Variants in FNDC3B observed in about 807,000 individuals in gnomAD.
FNDC3B encodes fibronectin type III domain containing 3B.
A neutral mutation model predicts 151.5 loss-of-function variants in FNDC3B; 12 were observed. The ratio of observed to expected loss-of-function variants is 0.08; its 90% CI spans 0.05 to 0.13. The LOEUF is 0.13. Among genes scored for constraint, FNDC3B ranks in the 10% least tolerant of loss-of-function variants. FNDC3B has a pLI of 1.00. For synonymous variants in FNDC3B, 528 were observed against 549.0 expected, an observed-to-expected ratio of 0.96 and a Z score of 0.54; for missense variants, 1,214 against 1,505.3, an observed-to-expected ratio of 0.81 and a Z score of 3.20.
chr3:172,273,060 A>T (rs779842530), intron 6 of FNDC3B, among the ~76,000 whole-genome samples: 1 of 152,200 alleles, frequency 6.6e-6, no homozygotes, highest in Non-Finnish European at 1.5e-5. Context: ...GTTGGAGATG[A>T]TGAGCCTTAA....
chr3:172,097,617 A>C (rs1331028667), intron 1 of FNDC3B, among the ~76,000 whole-genome samples: 1 of 152,218 alleles, frequency 6.6e-6, no homozygotes, highest in East Asian at 1.9e-4. Context: ...CTTATTCGTT[A>C]TTCTATTATC....
intron 3 of FNDC3B, among the ~76,000 whole-genome samples, chr3:172,220,935 AAT>A (rs1309381292): frequency 1.3e-5 from 2 of 152,154 alleles, no homozygotes; most frequent in African/African-American, 4.8e-5. Context: ...ATTAAAAAAA[AAT>A]AAATAAATCT....
At chr3:172,148,063 C>G (rs765398742) in intron 3 of FNDC3B, among the ~76,000 whole-genome samples, 1 of 151,996 alleles carries the variant, frequency 6.6e-6, no homozygotes, top group Non-Finnish European at 1.5e-5. Flanking sequence ...TGTAGTCTTT[C>G]AGTTTCCATC....
rs57967290 is a variant in FNDC3B at position 172,328,491 on chromosome 3, G to A, written c.1255-461G>A. Among the ~76,000 whole-genome samples, 153 of 152,294 alleles carry A rather than the reference G, an allele frequency of 1.0e-3. 5 individuals are homozygous for A. The East Asian group carries it at 0.027, about 27-fold the overall frequency. ...GTATGGCACACTCAGCTGCAGAGACGGGTCTGTAGGTGCTCAGGAGTTACT... is the reference window on the plus strand; with the variant it reads ...GTATGGCACACTCAGCTGCAGAGACAGGTCTGTAGGTGCTCAGGAGTTACT... On this transcript the variant is annotated intron_variant, in intron 11 of 25. Transcript: ENST00000415807.
intron 4 of FNDC3B, among the ~76,000 whole-genome samples, chr3:172,245,128 CA>C (rs141682271): frequency 6.6e-6 from 1 of 151,676 alleles, no homozygotes; most frequent in East Asian, 1.9e-4. Context: ...AAAGCTACTT[CA>C]AAAAAAACTT....
intron 3 of FNDC3B, among the ~76,000 whole-genome samples, chr3:172,170,892 T>G (rs1348889400): frequency 6.6e-6 from 1 of 152,234 alleles, no homozygotes; most frequent in African/African-American, 2.4e-5. Flanking sequence ...TGAGCCACCT[T>G]TATGGTATTA....
rs140395041 is a variant in FNDC3B, at chr3:172,127,788, C to T, written c.112-5683C>T. On this transcript the variant is annotated intron_variant, in intron 2 of 25. Transcript: ENST00000415807. ...TCAAGCGATTCTCATGCCTCAGCCTCCAGAGTAGCTGAGACTACAGGCACC... is the reference window on the plus strand; with the variant it reads ...TCAAGCGATTCTCATGCCTCAGCCTTCAGAGTAGCTGAGACTACAGGCACC... 7.9e-3 allele frequency among the ~76,000 whole-genome samples: 1,198 copies of T among 152,260 alleles called. 13 individuals carry two copies. The highest frequency in any genetic ancestry group is 0.027 in the African/African-American group (1,113 of 41,552).
intron 11 of FNDC3B, 155 bp downstream of exon 11, chr3:172,311,036 A>G: frequency 1.6e-6 from 1 of 617,692 alleles, no homozygotes; most frequent in South Asian, 1.9e-5. Context: ...ACTATGGAAA[A>G]TGAAGTTAGA....
chr3:172,299,227 A>C (rs1730781586), intron 9 of FNDC3B, among the ~76,000 whole-genome samples: 1 of 152,224 alleles, frequency 6.6e-6, no homozygotes, highest in Non-Finnish European at 1.5e-5. Flanking sequence ...TAGATTTTGA[A>C]AAAGACAAGT....
At chr3:172,316,220 C>G (rs2108263002) in intron 11 of FNDC3B, among the ~76,000 whole-genome samples, 1 of 148,616 alleles carries the variant, frequency 6.7e-6, no homozygotes, top group Non-Finnish European at 1.5e-5. Flanking sequence ...AGGATGGTCT[C>G]CAACTCCTGA....
intron 1 of FNDC3B, among the ~76,000 whole-genome samples, chr3:172,073,723 T>A (rs1189445081): frequency 2.0e-5 from 3 of 152,168 alleles, no homozygotes; most frequent in Non-Finnish European, 4.4e-5. Context: ...TTTTGATGAA[T>A]TAGTCTTATG....
rs553898820 is a variant in FNDC3B at position 172,115,141 on chromosome 3, T to A, written c.111+2551T>A. 1.4e-3 allele frequency among the ~76,000 whole-genome samples: 217 copies of A among 152,312 alleles called. 1 individual carries two copies. The highest frequency in any genetic ancestry group is 5.1e-3 in the African/African-American group (210 of 41,562). On this transcript the variant is annotated intron_variant, in intron 2 of 25. Transcript: ENST00000415807. Reference sequence around the variant, plus strand: ...CTGTGCTTGACATTTTTCTTCCTCATTCTGCTCCCAGAGTCTCCATCCTGT... The same window carrying A: ...CTGTGCTTGACATTTTTCTTCCTCAATCTGCTCCCAGAGTCTCCATCCTGT...
chr3:172,376,254 TTAGAG>T (rs2108364287), intron 23 of FNDC3B, among the ~76,000 whole-genome samples: 1 of 152,350 alleles, frequency 6.6e-6, no homozygotes, highest in African/African-American at 2.4e-5. Flanking sequence ...GATTACAAAC[TTAGAG>T]TAATGAATTT....
chr3:172,230,534 A>G (rs1726839353), intron 4 of FNDC3B, among the ~76,000 whole-genome samples: 1 of 151,956 alleles, frequency 6.6e-6, no homozygotes, highest in African/African-American at 2.4e-5. Flanking sequence ...AACAACAAAA[A>G]TTAAAAGAAA....
chr3:172,213,557 A>T (rs374422691), intron 3 of FNDC3B, among the ~76,000 whole-genome samples: 63 of 152,320 alleles, frequency 4.1e-4, no homozygotes, highest in African/African-American at 1.4e-3. Context: ...GCTCATATTT[A>T]TATATCATGC....
Position 172,352,577 on chromosome 3 carries a change from G to T in FNDC3B, c.2515-226G>T, listed in dbSNP as rs796139754. 6.6e-6 allele frequency among the ~76,000 whole-genome samples: 1 copy of T among 152,162 alleles called. No homozygotes were observed. The highest frequency in any genetic ancestry group is 6.5e-5 in the Admixed American group (1 of 15,288). On this transcript the variant is annotated intron_variant, in intron 21 of 25. Coordinates refer to ENST00000415807, the MANE Select transcript of FNDC3B (RefSeq NM_022763.4). The surrounding 1 kb of genome is among the most constrained non-coding windows in gnomAD (Gnocchi z 4.2). ...ATAAAATATTATTTTTAAATTATTT[G>T]TCATAAGAAACGATGGTGGCCATAT...
intron 13 of FNDC3B, among the ~76,000 whole-genome samples, chr3:172,331,493 GA>G (rs1732660959): frequency 6.6e-6 from 1 of 152,100 alleles, no homozygotes; most frequent in African/African-American, 2.4e-5. Context: ...AAGTAGCTGG[GA>G]CTACAGGCGC....
chr3:172,254,489 T>A (rs1167385893), intron 6 of FNDC3B, among the ~76,000 whole-genome samples: 1 of 152,220 alleles, frequency 6.6e-6, no homozygotes, highest in African/African-American at 2.4e-5. Context: ...TGTATCTGTT[T>A]TATTCATCAT....
intron 3 of FNDC3B, among the ~76,000 whole-genome samples, chr3:172,223,770 A>G (rs547515110): frequency 1.3e-5 from 2 of 152,328 alleles, no homozygotes; most frequent in East Asian, 3.9e-4. Flanking sequence ...AAGCTTTACT[A>G]CTTGTAATAG....
Sources: gnomAD v4.1 joint callset for allele counts (sites outside exome capture counted in the v4.1 genomes callset) on GRCh38, gnomAD v4.1.1 for gene constraint, Gnocchi (gnomAD v3.1) non-coding constraint, MANE v1.5 for transcripts, NCBI Gene and HGNC (gene_info 2026-07-23, HGNC 2026-07-21) for gene names.